UFD1: variants seen among roughly 807,000 people sequenced by gnomAD.
The protein encoded by UFD1 is ubiquitin recognition factor in ER associated degradation 1, also known as ubiquitin recognition factor in ER-associated degradation protein 1.
In UFD1, 13 loss-of-function variants were observed where a neutral mutation model predicts 45.9. That is an observed-to-expected ratio of 0.28 (90% CI 0.18 to 0.45). The LOEUF (loss-of-function observed/expected upper bound fraction) is 0.45, where lower values mean the gene tolerates loss of function less well. UFD1 is among the 20% of genes least tolerant of loss of function. The pLI, the probability that UFD1 is intolerant of heterozygous loss-of-function variation, is 1.00. For synonymous variants in UFD1, 128 were observed against 139.2 expected (o/e 0.92, Z 0.56); for missense variants, 218 against 389.2 (o/e 0.56, Z 3.70).
At chr22:19,456,492 T>G (rs1056159544) in intron 9 of UFD1, 95 bp downstream of exon 9, 1 of 1,539,826 alleles carries the variant, frequency 6.5e-7, no homozygotes, top group African/African-American at 1.4e-5. Context: ...CCCCTGCTGA[T>G]GTCCATCGAG....
chr22:19,454,399 T>G, intron 11 of UFD1: 1 of 858,320 alleles, frequency 1.2e-6, no homozygotes, highest in South Asian at 4.0e-5. Context: ...GGTAACTGAG[T>G]CATGAGGGCG....
intron 1 of UFD1, among the ~76,000 whole-genome samples, chr22:19,477,209 G>A (rs114330691): frequency 1.3e-5 from 2 of 152,194 alleles, no homozygotes; most frequent in Admixed American, 6.5e-5. Flanking sequence ...AAAAGAACTG[G>A]AGGCAGAATC....
chr22:19,476,084 T>C (rs759981767), intron 1 of UFD1, among the ~76,000 whole-genome samples: 3 of 151,974 alleles, frequency 2.0e-5, no homozygotes, highest in Non-Finnish European at 4.4e-5. Flanking sequence ...AAGAGAGATA[T>C]ACACTCCAAG....
At chr22:19,454,244 G>C (rs1290503496) in intron 11 of UFD1, 1 of 994,810 alleles carries the variant, frequency 1.0e-6, no homozygotes. Context: ...GAAAAAAACA[G>C]GACACCAGGG....
chr22:19,454,735 G>A lies in UFD1; in HGVS notation c.849+14C>T. 1.2e-6 allele frequency: 2 copies of A among 1,613,800 alleles called. No individual in the cohort carries two copies. The highest frequency in any genetic ancestry group is 1.7e-6 in the Non-Finnish European group (2 of 1,179,888). On this transcript the variant is annotated intron_variant, in intron 11 of 11. Coordinates refer to ENST00000263202, the MANE Select transcript of UFD1 (RefSeq NM_005659.7). ...CTCATTACCAACCAAGGAAATACAA[G>A]GAAATACACTCACCTCTTCAACCTT...
chr22:19,454,206 G>A (rs1050764056), intron 11 of UFD1: 1 of 988,504 alleles, frequency 1.0e-6, no homozygotes, highest in Admixed American at 6.0e-5. Flanking sequence ...CAAGTCTTCT[G>A]TTTCATACAC....
In UFD1 at chr22:19,479,154, C is replaced by A; in HGVS notation, c.-69G>T. The A allele has an allele frequency of 1.3e-6, 2 of 1,582,682 alleles. No individual in the cohort carries two copies. Among genetic ancestry groups the A allele is most frequent in the Non-Finnish European group, 1.7e-6 (2 of 1,166,220 alleles). ...ACGAAGAAACCCCGCCGACCGCTCTCCCAGCCGCCGCTGCCGCTGCCGCCG... is the reference window on the plus strand; with the variant it reads ...ACGAAGAAACCCCGCCGACCGCTCTACCAGCCGCCGCTGCCGCTGCCGCCG... On this transcript the variant is annotated 5_prime_UTR_variant, in exon 1 of 12. Coordinates refer to ENST00000263202, the MANE Select transcript of UFD1 (RefSeq NM_005659.7).
intron 6 of UFD1, among the ~76,000 whole-genome samples, chr22:19,459,192 T>C (rs557722514): frequency 6.6e-6 from 1 of 152,230 alleles, no homozygotes. Context: ...CTGAATTATA[T>C]TTCTTCATAT....
chr22:19,461,693 A>G (rs1433850999), intron 6 of UFD1, among the ~76,000 whole-genome samples: 3 of 152,140 alleles, frequency 2.0e-5, no homozygotes, highest in Non-Finnish European at 4.4e-5. Context: ...AATATCTAAG[A>G]GCAATTTATT....
intron 6 of UFD1, among the ~76,000 whole-genome samples, chr22:19,459,220 C>T (rs1409544123): frequency 6.6e-6 from 1 of 152,282 alleles, no homozygotes; most frequent in Non-Finnish European, 1.5e-5. Context: ...TACAGTTATA[C>T]AATGGTATGC....
At chr22:19,473,315 C>T (rs1310359194) in intron 3 of UFD1, among the ~76,000 whole-genome samples, 1 of 152,212 alleles carries the variant, frequency 6.6e-6, no homozygotes, top group East Asian at 1.9e-4. Flanking sequence ...TCCCTCTGTA[C>T]CCCCTCACTT....
intron 1 of UFD1, among the ~76,000 whole-genome samples, chr22:19,477,059 T>C (rs1181480295): frequency 6.6e-6 from 1 of 150,774 alleles, no homozygotes. Flanking sequence ...AGTAAGAGAT[T>C]AACAATTAAT....
intron 5 of UFD1, 75 bp from the exon 6 acceptor site, chr22:19,465,349 T>G: frequency 7.7e-7 from 1 of 1,300,336 alleles, no homozygotes; most frequent in South Asian, 1.2e-5. Flanking sequence ...TGTTAGATGA[T>G]TACTGGTAGG....
chr22:19,456,327 T>G (rs2089722656), intron 9 of UFD1, among the ~76,000 whole-genome samples: 1 of 151,360 alleles, frequency 6.6e-6, no homozygotes, highest in Admixed American at 6.6e-5. Context: ...ATATGTCTAC[T>G]GTACTATTTA....
chr22:19,453,697 G>A, intron 11 of UFD1: 1 of 985,466 alleles, frequency 1.0e-6, no homozygotes, highest in Non-Finnish European at 1.2e-6. Context: ...CTTGAACATT[G>A]AGCCCAGAAG....
Position 19,454,738 on chromosome 22 carries a change from A to G in UFD1, c.849+11T>C, listed in dbSNP as rs200084725. 4.3e-6 allele frequency: 7 copies of G among 1,614,028 alleles called. No homozygotes were observed. The Admixed American group carries it at 5.0e-5, about 12-fold the overall frequency. On this transcript the variant is annotated intron_variant, in intron 11 of 11. Coordinates refer to ENST00000263202, the MANE Select transcript of UFD1 (RefSeq NM_005659.7). ...ATTACCAACCAAGGAAATACAAGGA[A>G]ATACACTCACCTCTTCAACCTTTTT...
chr22:19,471,535 T>C (rs1432460036), intron 4 of UFD1, 152 bp downstream of exon 4: 1 of 1,195,634 alleles, frequency 8.4e-7, no homozygotes, highest in Non-Finnish European at 1.2e-6. Context: ...TGCACTGCTC[T>C]GGATCCCTTC....
At chr22:19,451,866 G>A (rs5748210) in intron 11 of UFD1, 3 of 985,392 alleles carry the variant, frequency 3.0e-6, no homozygotes, top group East Asian at 2.3e-4. Context: ...CTGGGCCTTC[G>A]CCCTGCCGTA....
At chr22:19,468,109 A>G in intron 4 of UFD1, 106 bp from the exon 5 acceptor site, 1 of 1,447,452 alleles carries the variant, frequency 6.9e-7, no homozygotes, top group Non-Finnish European at 9.3e-7. Context: ...TCCTTGGAAG[A>G]GGAACCTGAG....
Sources: gnomAD v4.1 joint callset for allele counts (sites outside exome capture counted in the v4.1 genomes callset) on GRCh38, gnomAD v4.1.1 for gene constraint, MANE v1.5 for transcripts, NCBI Gene and HGNC (gene_info 2026-07-23, HGNC 2026-07-21) for gene names.